The following FER1L6 variants were observed in gnomAD, a reference collection of about 807,000 sequenced individuals.
FER1L6 encodes the protein fer-1 like family member 6, also known as fer-1-like protein 6.
Under a neutral mutation model 219.2 loss-of-function variants are expected in FER1L6, and 177 were observed. That is an observed-to-expected ratio of 0.81 (90% confidence interval 0.71 to 0.91). The LOEUF is 0.91. FER1L6 is among the 40% of genes least tolerant of loss of function. The pLI is 0.00. For missense variants in FER1L6, 2,153 were observed against 2,259.9 expected, an observed-to-expected ratio of 0.95 and a Z score of 0.96; for synonymous variants, 768 against 824.3, an observed-to-expected ratio of 0.93 and a Z score of 1.17.
chr8:124,005,451 T>C (rs182895614), intron 13 of FER1L6, among the ~76,000 whole-genome samples: 102 of 152,314 alleles, frequency 6.7e-4, no homozygotes, highest in African/African-American at 2.3e-3. Flanking sequence ...CACTCTTCCT[T>C]ACGCCTGGCA....
At chr8:124,083,342 T>C in intron 33 of FER1L6, among the ~76,000 whole-genome samples, 1 of 152,186 alleles carries the variant, frequency 6.6e-6, no homozygotes. Context: ...TTTGTCTTTC[T>C]GTGCCTGGTT....
At chr8:123,958,187 T>C (rs969785218) in intron 2 of FER1L6, among the ~76,000 whole-genome samples, 2 of 152,332 alleles carry the variant, frequency 1.3e-5, no homozygotes, top group East Asian at 1.9e-4. Context: ...CTGGGCTAAA[T>C]TCTGGGAATC....
At chr8:123,887,660 T>A (rs889397159) in intron 1 of FER1L6, among the ~76,000 whole-genome samples, 2 of 151,480 alleles carry the variant, frequency 1.3e-5, no homozygotes, top group African/African-American at 4.9e-5. Flanking sequence ...CCCTGACTGT[T>A]TCAGTATAGA....
intron 1 of FER1L6, among the ~76,000 whole-genome samples, chr8:123,919,027 G>A (rs547960754): frequency 3.3e-5 from 5 of 152,256 alleles, no homozygotes; most frequent in Non-Finnish European, 7.3e-5. Flanking sequence ...CCCAGGGGAG[G>A]CAGTACAATA....
At chr8:124,069,852 ATTAG>A (rs1820992979) in intron 29 of FER1L6, among the ~76,000 whole-genome samples, 1 of 152,194 alleles carries the variant, frequency 6.6e-6, no homozygotes, top group South Asian at 2.1e-4. Flanking sequence ...CAATCTTAAC[ATTAG>A]TTAGAGGGTA....
At chr8:123,980,347 G>T in intron 10 of FER1L6, 118 bp from the exon 11 acceptor site, 1 of 822,868 alleles carries the variant, frequency 1.2e-6, no homozygotes, top group Non-Finnish European at 1.9e-6. Context: ...TTGGTCATGG[G>T]ATATCCTGTC....
intron 12 of FER1L6, among the ~76,000 whole-genome samples, chr8:123,997,033 T>C (rs923222802): frequency 1.3e-5 from 2 of 152,200 alleles, no homozygotes; most frequent in Non-Finnish European, 2.9e-5. Context: ...AAGATACAAG[T>C]AATTTAGACA....
chr8:124,113,846 G>C (rs939736283), intron 39 of FER1L6, among the ~76,000 whole-genome samples: 104 of 152,276 alleles, frequency 6.8e-4, no homozygotes, highest in African/African-American at 2.3e-3. Flanking sequence ...CTCCATAGCG[G>C]ATCATGCCAG....
intron 1 of FER1L6, among the ~76,000 whole-genome samples, chr8:123,933,367 CAT>C (rs34306995): frequency 0.028 from 4,152 of 146,734 alleles, 98 homozygotes; most frequent in South Asian, 0.096. Flanking sequence ...TCTATCATAG[CAT>C]ATGTGTGTCT....
At position 123,975,859 on chromosome 8, in the gene FER1L6, T is replaced by C. The variant is rs752463545; in HGVS notation, c.684-39T>C. 8.1e-6 allele frequency: 12 copies of C among 1,482,072 alleles called. No homozygotes were observed. In the Admixed American group the frequency reaches 8.5e-5, roughly 11 times the overall value. 91.8% of individuals were successfully genotyped at this position (1,482,072 alleles called of 1,614,324 possible). A position where few individuals can be genotyped will look rare whatever the true frequency, so the allele number is the denominator to read the frequency against. ...CTGTCTTTTCTCTCTGTTTCTTCAATTGAGAGAGCTTTTTCATTTGTTTTT... is the reference window on the plus strand; with the variant it reads ...CTGTCTTTTCTCTCTGTTTCTTCAACTGAGAGAGCTTTTTCATTTGTTTTT... On this transcript the variant is annotated intron_variant, in intron 8 of 40. Transcript: ENST00000522917.
intron 1 of FER1L6, among the ~76,000 whole-genome samples, chr8:123,879,249 G>A (rs1320758701): frequency 2.0e-5 from 3 of 152,138 alleles, no homozygotes; most frequent in African/African-American, 7.2e-5. Flanking sequence ...GCTTCAGTGA[G>A]CTATAATTGT....
intron 1 of FER1L6, among the ~76,000 whole-genome samples, chr8:123,909,185 A>C (rs1294456320): frequency 6.6e-6 from 1 of 152,196 alleles, no homozygotes; most frequent in Admixed American, 6.5e-5. Flanking sequence ...GTCTGCAGAC[A>C]GTGAGTTACA....
Position 123,893,372 on chromosome 8 carries a change from T to C in FER1L6, c.-8+41187T>C, listed in dbSNP as rs190990151. ...CAGAACAGGAGTTGATTGCATGGAC[T>C]GAACTAATGGAGGACAGAAATAATT... On this transcript the variant is annotated intron_variant, in intron 1 of 40. Transcript: ENST00000522917. 2.0e-5 allele frequency among the ~76,000 whole-genome samples: 3 copies of C among 152,240 alleles called. No homozygotes were observed. The East Asian group carries it at 5.8e-4, about 29-fold the overall frequency.
At chr8:123,923,463 A>C (rs144677542) in intron 1 of FER1L6, among the ~76,000 whole-genome samples, 4 of 152,298 alleles carry the variant, frequency 2.6e-5, no homozygotes, top group African/African-American at 9.6e-5. Context: ...ACTCAATGTC[A>C]TGCTGCTTCC....
chr8:123,924,275 T>C (rs1586471314), intron 1 of FER1L6, among the ~76,000 whole-genome samples: 2 of 144,808 alleles, frequency 1.4e-5, no homozygotes, highest in South Asian at 4.4e-4. Context: ...CTGGGTGCGG[T>C]GGCTCACGCC....
At chr8:123,957,505 C>T (rs1368248879) in intron 2 of FER1L6, among the ~76,000 whole-genome samples, 1 of 152,126 alleles carries the variant, frequency 6.6e-6, no homozygotes, top group East Asian at 1.9e-4. Context: ...TTTAATAAGT[C>T]TCTGCTGCTT....
chr8:123,855,228 T>A (rs1476307682), intron 1 of FER1L6, among the ~76,000 whole-genome samples: 1 of 151,622 alleles, frequency 6.6e-6, no homozygotes, highest in African/African-American at 2.4e-5. Context: ...AGGGATGCTG[T>A]GATGCGTGCT....
intron 1 of FER1L6, among the ~76,000 whole-genome samples, chr8:123,855,326 G>A (rs1405587079): frequency 3.3e-5 from 5 of 152,130 alleles, no homozygotes; most frequent in South Asian, 2.1e-4. Context: ...TTAAAACTGC[G>A]AGCTCCTGGC....
At chr8:124,046,063 C>A in intron 21 of FER1L6, 162 bp downstream of exon 21, 2 of 675,078 alleles carry the variant, frequency 3.0e-6, no homozygotes, top group African/African-American at 1.8e-5. Flanking sequence ...TTCACAGAAC[C>A]AAAAAGATTG....
Sources: gnomAD v4.1 joint callset for allele counts (sites outside exome capture counted in the v4.1 genomes callset) on GRCh38, gnomAD v4.1.1 for gene constraint, MANE v1.5 for transcripts, NCBI Gene and HGNC (gene_info 2026-07-23, HGNC 2026-07-21) for gene names.